The following CLSTN2 variants were observed in gnomAD, a reference collection of about 807,000 sequenced individuals.
The protein encoded by CLSTN2 is calsyntenin-2.
Under a neutral mutation model 101.2 loss-of-function variants are expected in CLSTN2, and 48 were observed. That is an observed-to-expected ratio of 0.47 (90% CI 0.38 to 0.60). The LOEUF (loss-of-function observed/expected upper bound fraction) is 0.60. Ranked by LOEUF, CLSTN2 falls within the 20% of genes least tolerant of loss-of-function variation. The pLI is 0.00. For missense variants in CLSTN2, 1,160 were observed against 1,238.2 expected (o/e 0.94, Z 0.95); for synonymous variants, 481 against 463.6 (o/e 1.04, Z -0.48).
chr3:140,088,345 G>A (rs1385077008), intron 1 of CLSTN2, among the ~76,000 whole-genome samples: 2 of 152,106 alleles, frequency 1.3e-5, no homozygotes, highest in Non-Finnish European at 2.9e-5. Flanking sequence ...GTAATCCAGG[G>A]TCTCCTTCAT....
At chr3:140,202,823 T>C (rs1302252056) in intron 2 of CLSTN2, among the ~76,000 whole-genome samples, 2 of 152,174 alleles carry the variant, frequency 1.3e-5, no homozygotes, top group African/African-American at 4.8e-5. Context: ...ACTAGTGAGA[T>C]GCCCACCCAA....
At chr3:140,019,080 A>G (rs2007256248) in intron 1 of CLSTN2, among the ~76,000 whole-genome samples, 1 of 152,080 alleles carries the variant, frequency 6.6e-6, no homozygotes, top group African/African-American at 2.4e-5. Context: ...CACTCAGAGG[A>G]GTCTGCACTG....
chr3:140,040,163 T>G (rs2007732122), intron 1 of CLSTN2, among the ~76,000 whole-genome samples: 1 of 152,206 alleles, frequency 6.6e-6, no homozygotes, highest in Non-Finnish European at 1.5e-5. Flanking sequence ...TCAGCCATTT[T>G]CAGTAGCTGT....
chr3:140,433,867 C>T (rs2088661636), intron 5 of CLSTN2, among the ~76,000 whole-genome samples: 1 of 152,108 alleles, frequency 6.6e-6, no homozygotes, highest in African/African-American at 2.4e-5. Flanking sequence ...GTCTGTGTGA[C>T]CTTAGGCAGG....
intron 1 of CLSTN2, among the ~76,000 whole-genome samples, chr3:139,987,392 A>G (rs770371728): frequency 1.3e-5 from 2 of 152,220 alleles, no homozygotes; most frequent in Non-Finnish European, 2.9e-5. Context: ...AGCATTATCT[A>G]TGGCAGGAAA....
At chr3:140,331,655 T>C (rs1017592650) in intron 2 of CLSTN2, among the ~76,000 whole-genome samples, 2 of 152,216 alleles carry the variant, frequency 1.3e-5, no homozygotes, top group Non-Finnish European at 2.9e-5. Context: ...GTTGTGGTCC[T>C]CAGTCACCTG....
chr3:140,225,944 T>C (rs921851285), intron 2 of CLSTN2, among the ~76,000 whole-genome samples: 3 of 152,132 alleles, frequency 2.0e-5, no homozygotes, highest in African/African-American at 7.2e-5. Flanking sequence ...TAAAAGAATA[T>C]GTTTTCTTCT....
intron 2 of CLSTN2, among the ~76,000 whole-genome samples, chr3:140,313,448 G>T (rs1365184992): frequency 6.6e-6 from 1 of 152,164 alleles, no homozygotes; most frequent in African/African-American, 2.4e-5. Flanking sequence ...CCATAGAATA[G>T]ATGGCAGTTC....
At chr3:140,509,783 G>T (rs150999422) in intron 8 of CLSTN2, among the ~76,000 whole-genome samples, 2 of 152,146 alleles carry the variant, frequency 1.3e-5, no homozygotes, top group Admixed American at 6.6e-5. Context: ...CATCAACACC[G>T]TCAGCTCTAC....
At chr3:140,388,470 G>A (rs1252419407) in intron 2 of CLSTN2, among the ~76,000 whole-genome samples, 1 of 152,226 alleles carries the variant, frequency 6.6e-6, no homozygotes, top group Non-Finnish European at 1.5e-5. Flanking sequence ...CCTGTAGAGG[G>A]TAACGTGTAA....
At position 140,311,809 on chromosome 3, in the gene CLSTN2, G is replaced by C. The variant is rs933651246; in HGVS notation, c.233-91820G>C. On this transcript the variant is annotated intron_variant, in intron 2 of 16. Coordinates refer to ENST00000458420, the MANE Select transcript of CLSTN2 (RefSeq NM_022131.3). ...AAGTGTGGCCAGGATTTCTACACAG[G>C]CACTCAACCCCAGATCCTGGGCTCC... 1.3e-5 allele frequency among the ~76,000 whole-genome samples: 2 copies of C among 152,076 alleles called. 1 individual carries two copies. The highest frequency in any genetic ancestry group is 2.9e-5 in the Non-Finnish European group (2 of 68,020).
At chr3:140,175,510 T>G in intron 1 of CLSTN2, among the ~76,000 whole-genome samples, 1 of 152,212 alleles carries the variant, frequency 6.6e-6, no homozygotes. Context: ...GTCAGAAAGC[T>G]GAGCATACAT....
In CLSTN2 at chr3:140,297,991, G is replaced by A. The variant is rs868205449; in HGVS notation, c.233-105638G>A. 6.6e-5 allele frequency among the ~76,000 whole-genome samples: 10 copies of A among 152,304 alleles called. No individual in the cohort carries two copies. In the South Asian group the frequency reaches 1.2e-3, roughly 19 times the overall value. ...AAATGTGTACTGCTTTTATACAATT[G>A]TAAAGTCAAAAAATTACTAGGCAAG... On this transcript the variant is annotated intron_variant, in intron 2 of 16. Coordinates refer to ENST00000458420, the MANE Select transcript of CLSTN2 (RefSeq NM_022131.3).
intron 8 of CLSTN2, among the ~76,000 whole-genome samples, chr3:140,522,912 G>T (rs926307549): frequency 8.5e-5 from 13 of 152,144 alleles, no homozygotes; most frequent in South Asian, 2.1e-4. Context: ...CAGGCAAAGG[G>T]TTGTTTCTTC....
At chr3:140,486,093 C>G (rs1934236384) in intron 8 of CLSTN2, among the ~76,000 whole-genome samples, 1 of 151,290 alleles carries the variant, frequency 6.6e-6, no homozygotes, top group Non-Finnish European at 1.5e-5. Context: ...GGCTCCACCC[C>G]ACAAAGATAA....
intron 2 of CLSTN2, among the ~76,000 whole-genome samples, chr3:140,252,595 C>T (rs920128943): frequency 6.6e-6 from 1 of 152,150 alleles, no homozygotes; most frequent in African/African-American, 2.4e-5. Flanking sequence ...TTCTCTGGAA[C>T]ATATATGGGC....
chr3:140,045,992 C>T (rs2007871901), intron 1 of CLSTN2, among the ~76,000 whole-genome samples: 1 of 152,188 alleles, frequency 6.6e-6, no homozygotes, highest in African/African-American at 2.4e-5. Context: ...AATGTATATT[C>T]TGTTGATTAG....
intron 7 of CLSTN2, among the ~76,000 whole-genome samples, chr3:140,465,825 C>T (rs1011639868): frequency 3.9e-5 from 6 of 152,168 alleles, no homozygotes; most frequent in African/African-American, 1.4e-4. Context: ...ACATGGGCAC[C>T]TGCTCATCCA....
intron 1 of CLSTN2, among the ~76,000 whole-genome samples, chr3:139,971,595 G>A (rs1935706674): frequency 6.6e-6 from 1 of 152,180 alleles, no homozygotes; most frequent in Non-Finnish European, 1.5e-5. Flanking sequence ...AGGAACAGTT[G>A]TTAAGCATGG....
Sources: allele counts gnomAD v4.1 joint callset (sites outside exome capture counted in the v4.1 genomes callset), GRCh38; gene constraint gnomAD v4.1.1; transcripts MANE v1.5; gene names NCBI Gene and HGNC (gene_info 2026-07-23, HGNC 2026-07-21).